SPTLC2: variants seen among roughly 807,000 people sequenced by gnomAD.
SPTLC2 encodes serine palmitoyltransferase long chain base subunit 2, also known as serine palmitoyltransferase 2.
In SPTLC2, 21 loss-of-function variants were observed where a neutral mutation model predicts 62.0. The ratio of observed to expected loss-of-function variants is 0.34; its 90% CI spans 0.24 to 0.49. The LOEUF (loss-of-function observed/expected upper bound fraction) is 0.49. Ranked by LOEUF, SPTLC2 falls within the 20% of genes least tolerant of loss-of-function variation. SPTLC2 has a pLI of 0.99. For missense variants in SPTLC2, 511 were observed against 713.0 expected, an observed-to-expected ratio of 0.72 and a Z score of 3.23; for synonymous variants, 261 against 261.8, an observed-to-expected ratio of 1.00 and a Z score of 0.03.
chr14:77,576,909 T>C lies in SPTLC2; in HGVS notation c.489A>G (p.Thr163=), dbSNP rs750549332. 29 of 1,613,978 alleles carry C rather than the reference T, an allele frequency of 1.8e-5. No individual in the cohort carries two copies. Reference sequence around the variant, plus strand: ...TTATAACACCCTTTATTATATTCCCTGTATACCTGTGCATCAATAGCATAA... The same window carrying C: ...TTATAACACCCTTTATTATATTCCCCGTATACCTGTGCATCAATAGCATAA... The part of the protein sequence containing the change: ...SHDYNWSFKY[T]GNIIKGVINM... Residue 163 remains threonine (T), a synonymous_variant, in exon 4 of 12, where the codon ACA becomes ACG. Transcript: ENST00000216484.
At chr14:77,551,767 A>G (rs2079556818) in intron 9 of SPTLC2, among the ~76,000 whole-genome samples, 1 of 152,248 alleles carries the variant, frequency 6.6e-6, no homozygotes, top group Non-Finnish European at 1.5e-5. Context: ...TTAATGAAAC[A>G]TCACTAACAG....
At chr14:77,531,059 C>G (rs904074188) in intron 9 of SPTLC2, among the ~76,000 whole-genome samples, 1 of 152,208 alleles carries the variant, frequency 6.6e-6, no homozygotes, top group Non-Finnish European at 1.5e-5. Flanking sequence ...GTGGTGCCCA[C>G]AGATTTCCTT....
chr14:77,522,906 T>C (rs1019641276), intron 9 of SPTLC2, among the ~76,000 whole-genome samples: 1 of 152,198 alleles, frequency 6.6e-6, no homozygotes, highest in African/African-American at 2.4e-5. Context: ...AGAATCAGAA[T>C]ACTAACATAT....
At chr14:77,560,941 G>A (rs952806698) in intron 6 of SPTLC2, among the ~76,000 whole-genome samples, 3 of 149,462 alleles carry the variant, frequency 2.0e-5, no homozygotes, top group Admixed American at 1.3e-4. Flanking sequence ...CCTGGGTGGC[G>A]AAATAATCTG....
chr14:77,612,877 A>G (rs1052588243), intron 1 of SPTLC2, among the ~76,000 whole-genome samples: 18 of 152,162 alleles, frequency 1.2e-4, no homozygotes, highest in African/African-American at 4.1e-4. Flanking sequence ...CATCCTTCTA[A>G]TATCTCATTA....
chr14:77,615,729 G>C (rs1362531007), intron 1 of SPTLC2, among the ~76,000 whole-genome samples: 1 of 152,196 alleles, frequency 6.6e-6, no homozygotes, highest in African/African-American at 2.4e-5. Context: ...AATTAGTATA[G>C]AGTCATCGCA....
chr14:77,556,118 T>C (rs1230346073), intron 7 of SPTLC2, among the ~76,000 whole-genome samples: 1 of 150,926 alleles, frequency 6.6e-6, no homozygotes, highest in African/African-American at 2.4e-5. Flanking sequence ...AGGTCAGGAG[T>C]TCGAGACCAG....
chr14:77,521,645 TA>T (rs1441870912), intron 9 of SPTLC2, 64 bp from the exon 10 acceptor site: 17 of 1,440,404 alleles, frequency 1.2e-5, no homozygotes, highest in Non-Finnish European at 1.6e-5. Context: ...AAAAAGACAG[TA>T]AATCTCCTCT....
At chr14:77,589,851 G>A (rs546471834) in intron 2 of SPTLC2, among the ~76,000 whole-genome samples, 4 of 151,610 alleles carry the variant, frequency 2.6e-5, no homozygotes, top group East Asian at 3.9e-4. Context: ...GGTGGTGCAC[G>A]CCTGCAGTCC....
At chr14:77,580,656 G>GA (rs1201897831) in intron 2 of SPTLC2, among the ~76,000 whole-genome samples, 3 of 151,156 alleles carry the variant, frequency 2.0e-5, no homozygotes, top group African/African-American at 7.3e-5. Flanking sequence ...CCAGGAATCT[G>GA]AAGTGACAGT....
Position 77,512,272 on chromosome 14 carries a change from C to A in SPTLC2, c.*12G>T, listed in dbSNP as rs1446664316. 6.2e-7 allele frequency: 1 copy of A among 1,613,470 alleles called. No homozygotes were observed. The highest frequency in any genetic ancestry group is 1.7e-5 in the Admixed American group (1 of 60,004). ...GTGAGGGAGAGTTCCTCTGAGGGAG[C>A]ACCAAAAAGGCTCAGTCTTCTGTTT... On this transcript the variant is annotated 3_prime_UTR_variant, in exon 12 of 12. Coordinates refer to ENST00000216484, the MANE Select transcript of SPTLC2 (RefSeq NM_004863.4).
chr14:77,530,843 A>G (rs2079434617), intron 9 of SPTLC2, among the ~76,000 whole-genome samples: 1 of 152,232 alleles, frequency 6.6e-6, no homozygotes, highest in Non-Finnish European at 1.5e-5. Flanking sequence ...AGGATTGACT[A>G]AAAGGGAATG....
chr14:77,554,909 T>C, intron 8 of SPTLC2: 1 of 298,024 alleles, frequency 3.4e-6, no homozygotes, highest in Non-Finnish European at 6.5e-6. Context: ...ACTCATGATA[T>C]ATTTGTGTCC....
intron 2 of SPTLC2, among the ~76,000 whole-genome samples, chr14:77,596,795 T>C (rs551244675): frequency 2.0e-5 from 3 of 152,226 alleles, no homozygotes; most frequent in South Asian, 2.1e-4. Context: ...TTTCAGAAAA[T>C]GGTAAACACA....
At chr14:77,527,420 G>A (rs1256590911) in intron 9 of SPTLC2, among the ~76,000 whole-genome samples, 2 of 152,018 alleles carry the variant, frequency 1.3e-5, no homozygotes, top group Non-Finnish European at 1.5e-5. Flanking sequence ...TTGAAGGAGC[G>A]CCACAATTAT....
intron 9 of SPTLC2, among the ~76,000 whole-genome samples, chr14:77,546,902 G>A (rs752366807): frequency 2.7e-5 from 4 of 150,884 alleles, no homozygotes; most frequent in African/African-American, 7.3e-5. Context: ...GCTAATTTTC[G>A]TATTTTTATT....
At position 77,520,038 on chromosome 14, in the gene SPTLC2, T is replaced by C. The variant is rs1283770095; in HGVS notation, c.1439+1408A>G. Among the ~76,000 whole-genome samples the C allele has an allele frequency of 2.6e-5, 4 of 152,234 alleles. No homozygotes were observed. In the East Asian group the frequency reaches 5.8e-4, roughly 22 times the overall value. Reference sequence around the variant, plus strand: ...TTGTTTTCCTTATATTTAGTAGTTATTGCTTTTTTGTGCCCTTTTGGGTCC... The same window carrying C: ...TTGTTTTCCTTATATTTAGTAGTTACTGCTTTTTTGTGCCCTTTTGGGTCC... On this transcript the variant is annotated intron_variant, in intron 10 of 11. Transcript: ENST00000216484.
At chr14:77,596,921 T>G (rs1217765763) in intron 2 of SPTLC2, among the ~76,000 whole-genome samples, 1 of 152,232 alleles carries the variant, frequency 6.6e-6, no homozygotes, top group Non-Finnish European at 1.5e-5. Flanking sequence ...GTTTAACTTG[T>G]GACTTTTTGA....
intron 4 of SPTLC2, 140 bp from the exon 5 acceptor site, chr14:77,570,648 G>A (rs1182547472): frequency 3.2e-5 from 30 of 941,804 alleles, no homozygotes; most frequent in South Asian, 4.3e-5. Context: ...ATTATGAAGA[G>A]TAATATTCTT....
Sources: gnomAD v4.1 joint callset for allele counts (sites outside exome capture counted in the v4.1 genomes callset) on GRCh38, gnomAD v4.1.1 for gene constraint, MANE v1.5 for transcripts, NCBI Gene and HGNC (gene_info 2026-07-23, HGNC 2026-07-21) for gene names.